Variants in BMPER observed in about 807,000 individuals in gnomAD.
BMPER encodes the protein BMP-binding endothelial regulator protein.
BMPER carries 45 observed loss-of-function variants against 87.3 expected under a neutral mutation model. The ratio of observed to expected loss-of-function variants is 0.52; its 90% CI spans 0.41 to 0.66. BMPER has a LOEUF of 0.66. BMPER is among the 30% of genes least tolerant of loss of function. The probability of loss-of-function intolerance (pLI) is 0.00; values close to 1 mark genes in which losing one functional copy is unlikely to be tolerated. For missense variants in BMPER, 784 were observed against 867.5 expected, an observed-to-expected ratio of 0.90 and a Z score of 1.21; for synonymous variants, 326 against 316.2, an observed-to-expected ratio of 1.03 and a Z score of -0.33.
intron 6 of BMPER, among the ~76,000 whole-genome samples, chr7:34,024,357 CAA>C (rs1169634357): frequency 1.9e-3 from 9 of 4,652 alleles, no homozygotes; most frequent in African/African-American, 9.2e-3. Context: ...AACTCTGTCT[CAA>C]AAAAAAAAAA....
At chr7:33,934,854 TAA>T (rs1370338196) in intron 2 of BMPER, among the ~76,000 whole-genome samples, 2 of 152,236 alleles carry the variant, frequency 1.3e-5, no homozygotes, top group Non-Finnish European at 2.9e-5. Context: ...GCTGAATGCA[TAA>T]AGCCATACAG....
chr7:34,120,046 T>G (rs1007151616), intron 13 of BMPER, among the ~76,000 whole-genome samples: 17 of 152,148 alleles, frequency 1.1e-4, no homozygotes, highest in Admixed American at 9.8e-4. Flanking sequence ...GACTTCACAT[T>G]TACATAAAAA....
intron 13 of BMPER, among the ~76,000 whole-genome samples, chr7:34,129,260 T>C (rs1486483785): frequency 6.6e-6 from 1 of 151,958 alleles, no homozygotes; most frequent in Admixed American, 6.6e-5. Context: ...CTCAACACTT[T>C]GGGAGGCTGA....
At chr7:33,992,292 T>A (rs1260334892) in intron 6 of BMPER, among the ~76,000 whole-genome samples, 1 of 136,450 alleles carries the variant, frequency 7.3e-6, no homozygotes, top group Non-Finnish European at 1.6e-5. Context: ...TTTATGAATC[T>A]GGGTGCTCCT....
intron 13 of BMPER, among the ~76,000 whole-genome samples, chr7:34,117,818 C>T (rs1297852932): frequency 1.3e-5 from 2 of 152,190 alleles, no homozygotes; most frequent in African/African-American, 4.8e-5. Context: ...TAAAAAGACA[C>T]TCTGTTAATG....
intron 10 of BMPER, among the ~76,000 whole-genome samples, chr7:34,059,854 G>A (rs1287468726): frequency 1.3e-5 from 2 of 151,912 alleles, no homozygotes; most frequent in Admixed American, 6.6e-5. Flanking sequence ...TGTGGAAGAA[G>A]GGTTTTATGA....
chr7:34,033,602 T>G (rs998612950), intron 6 of BMPER, among the ~76,000 whole-genome samples: 8 of 152,248 alleles, frequency 5.3e-5, no homozygotes, highest in Non-Finnish European at 8.8e-5. Flanking sequence ...CTTTCTGAAC[T>G]TCTATGTCCC....
At chr7:33,986,918 CTTTG>C (rs1259519205) in intron 6 of BMPER, among the ~76,000 whole-genome samples, 1 of 152,034 alleles carries the variant, frequency 6.6e-6, no homozygotes, top group Non-Finnish European at 1.5e-5. Context: ...TTCCCTGCTC[CTTTG>C]TTTGTTTGTG....
At chr7:34,011,776 G>C (rs1786888567) in intron 6 of BMPER, among the ~76,000 whole-genome samples, 1 of 151,680 alleles carries the variant, frequency 6.6e-6, no homozygotes, top group Admixed American at 6.6e-5. Flanking sequence ...AAAAATGAAA[G>C]CCAAATTCAA....
Position 34,059,904 on chromosome 7 carries a change from G to T in BMPER, c.1032+1741G>T, listed in dbSNP as rs77268271. Among the ~76,000 whole-genome samples the T allele has an allele frequency of 5.1e-4, 77 of 152,062 alleles. No individual in the cohort carries two copies. The East Asian group carries it at 0.015, about 29-fold the overall frequency. ...AATCCTGCCTCTCCTCCCCCATCCT[G>T]CAACTCCCCCAGAGGCAAAGGAGTG... On this transcript the variant is annotated intron_variant, in intron 10 of 14. Coordinates refer to ENST00000649409, the MANE Select transcript of BMPER (RefSeq NM_001365308.1).
intron 4 of BMPER, among the ~76,000 whole-genome samples, chr7:33,968,169 A>T (rs1785450539): frequency 2.0e-5 from 3 of 152,168 alleles, no homozygotes; most frequent in African/African-American, 7.2e-5. Context: ...GGGAAGAGAA[A>T]GTTGATGTTA....
At chr7:33,997,336 T>G (rs1786441926) in intron 6 of BMPER, among the ~76,000 whole-genome samples, 2 of 152,220 alleles carry the variant, frequency 1.3e-5, no homozygotes, top group African/African-American at 4.8e-5. Flanking sequence ...AAATCTCTTC[T>G]TGAATTGTAA....
chr7:34,087,536 T>C (rs1474539704), intron 13 of BMPER, among the ~76,000 whole-genome samples: 1 of 151,818 alleles, frequency 6.6e-6, no homozygotes, highest in Non-Finnish European at 1.5e-5. Flanking sequence ...GTGGGGATAA[T>C]AAAAGAACCT....
At chr7:34,065,204 CT>C (rs1788548897) in intron 11 of BMPER, among the ~76,000 whole-genome samples, 1 of 28,696 alleles carries the variant, frequency 3.5e-5, no homozygotes, top group Non-Finnish European at 8.7e-5. Flanking sequence ...TACACACTCA[CT>C]CTCTCTCTCT....
chr7:33,930,048 A>G (rs1784444958), intron 2 of BMPER, among the ~76,000 whole-genome samples: 1 of 152,214 alleles, frequency 6.6e-6, no homozygotes. Flanking sequence ...TATTGTGCAA[A>G]GGGCCACAGT....
intron 6 of BMPER, among the ~76,000 whole-genome samples, chr7:34,044,479 T>C (rs1322792031): frequency 1.3e-5 from 2 of 152,172 alleles, no homozygotes; most frequent in African/African-American, 4.8e-5. Context: ...TGAATTTCTT[T>C]GAAATTAAAA....
chr7:34,081,212 C>T (rs960370368), intron 12 of BMPER, among the ~76,000 whole-genome samples: 2 of 152,180 alleles, frequency 1.3e-5, no homozygotes, highest in African/African-American at 4.8e-5. Flanking sequence ...GTCTTTCCAT[C>T]TCAGTTTGAA....
intron 13 of BMPER, among the ~76,000 whole-genome samples, chr7:34,107,187 T>C (rs1322940200): frequency 6.6e-6 from 1 of 152,176 alleles, no homozygotes; most frequent in East Asian, 1.9e-4. Context: ...CGTCTCCTAG[T>C]GTGAGGTTCC....
chr7:34,067,499 G>T (rs1208632528), intron 11 of BMPER, among the ~76,000 whole-genome samples: 1 of 152,122 alleles, frequency 6.6e-6, no homozygotes, highest in Admixed American at 6.5e-5. Context: ...AAGGTTTCTG[G>T]CCTCCAGGGC....
Sources: gnomAD v4.1 joint callset for allele counts (sites outside exome capture counted in the v4.1 genomes callset) on GRCh38, gnomAD v4.1.1 for gene constraint, MANE v1.5 for transcripts, NCBI Gene and HGNC (gene_info 2026-07-23, HGNC 2026-07-21) for gene names.